The following DNAAF11 variants were observed in gnomAD, a reference collection of about 807,000 sequenced individuals.
DNAAF11 encodes leucine rich repeat containing 6.
In DNAAF11, 45 loss-of-function variants were observed where a neutral mutation model predicts 60.8. The observed-to-expected ratio is 0.74, with a 90% CI of 0.58 to 0.95. The LOEUF (loss-of-function observed/expected upper bound fraction) is 0.95, where lower values mean the gene tolerates loss of function less well. Among genes scored for constraint, DNAAF11 ranks in the 40% least tolerant of loss-of-function variants. The pLI is 0.00. For missense variants in DNAAF11, 546 were observed against 546.2 expected (o/e 1.00, Z 0.00); for synonymous variants, 191 against 183.5 (o/e 1.04, Z -0.33).
chr8:132,676,839 G>C (rs1036195593), upstream of DNAAF11, among the ~76,000 whole-genome samples: 1 of 152,144 alleles, frequency 6.6e-6, no homozygotes, highest in African/African-American at 2.4e-5. Context: ...CTGGAAGAGT[G>C]GGATTTCAGG....
chr8:132,690,316 G>A, the DNAAF11 span, among the ~76,000 whole-genome samples: 1 of 152,070 alleles, frequency 6.6e-6, no homozygotes, highest in Non-Finnish European at 1.5e-5. Context: ...GTGATACTGA[G>A]TTCTCATGAG....
intron 1 of DNAAF11, among the ~76,000 whole-genome samples, chr8:132,664,979 A>C (rs1180731391): frequency 1.3e-5 from 2 of 152,208 alleles, no homozygotes; most frequent in East Asian, 3.8e-4. Context: ...TTACACACAC[A>C]CACAAAGGAA....
At chr8:132,684,732 C>T in the DNAAF11 span, among the ~76,000 whole-genome samples, 1 of 152,234 alleles carries the variant, frequency 6.6e-6, no homozygotes, top group Admixed American at 6.5e-5. Context: ...TTGCTACAAA[C>T]CTACTCAGAT....
intron 10 of DNAAF11, among the ~76,000 whole-genome samples, chr8:132,592,979 A>G (rs1378549926): frequency 6.6e-6 from 1 of 151,992 alleles, no homozygotes; most frequent in Non-Finnish European, 1.5e-5. Flanking sequence ...TTAGGAAGTA[A>G]CAGAAGCCAA....
Position 132,661,561 on chromosome 8 carries a change from A to C in DNAAF11, c.77T>G (p.Leu26Arg). The C allele has an allele frequency of 6.2e-7, 1 of 1,613,984 alleles. No individual in the cohort carries two copies. The highest frequency in any genetic ancestry group is 1.1e-5 in the South Asian group (1 of 91,074). The change falls in exon 2 of 12, where the codon CTC becomes CGC. Residue 26 changes from leucine (L) to arginine (R), a missense_variant. Physicochemically the swap from Leu to Arg is moderately radical, Grantham distance 102. Coordinates refer to ENST00000620350, the MANE Select transcript of DNAAF11 (RefSeq NM_012472.6). ...NDCVIFSLEE[L>R]SLHQQEIERL... ...TTCTATTTCTTGCTGATGCAACGAG[A>C]GTTCCTCCAGGGAAAAAATGACACA...
intron 7 of DNAAF11, 64 bp from the exon 8 acceptor site, chr8:132,615,161 T>A (rs1206227953): frequency 2.1e-5 from 18 of 876,264 alleles, no homozygotes; most frequent in Non-Finnish European, 3.2e-5. Flanking sequence ...GAAAACCCCA[T>A]CATAAATTCA....
intron 10 of DNAAF11, among the ~76,000 whole-genome samples, chr8:132,589,151 A>G (rs1487380022): frequency 6.6e-6 from 1 of 152,150 alleles, no homozygotes; most frequent in Non-Finnish European, 1.5e-5. Context: ...GTTTGATATG[A>G]ATTTTAAAGG....
intron 10 of DNAAF11, among the ~76,000 whole-genome samples, chr8:132,609,775 C>T (rs148407626): frequency 6.6e-6 from 1 of 152,278 alleles, no homozygotes. Flanking sequence ...CCCACTTTCT[C>T]CTATCTTGAT....
intron 6 of DNAAF11, among the ~76,000 whole-genome samples, chr8:132,624,611 T>A (rs1820069529): frequency 6.6e-6 from 1 of 152,178 alleles, no homozygotes; most frequent in African/African-American, 2.4e-5. Flanking sequence ...CCATGTAGAT[T>A]ACTATATTTC....
intron 10 of DNAAF11, among the ~76,000 whole-genome samples, chr8:132,591,665 T>C (rs896030829): frequency 6.6e-6 from 1 of 152,056 alleles, no homozygotes; most frequent in Admixed American, 6.6e-5. Context: ...ACTTGTTTAT[T>C]ATACCTCACT....
chr8:132,653,985 T>C (rs1435390890), intron 3 of DNAAF11, among the ~76,000 whole-genome samples: 2 of 151,970 alleles, frequency 1.3e-5, no homozygotes, highest in African/African-American at 2.4e-5. Context: ...AGATTAAAAA[T>C]CAAAACACGA....
chr8:132,637,604 CAA>C (rs879660153), intron 4 of DNAAF11, among the ~76,000 whole-genome samples: 4 of 99,874 alleles, frequency 4.0e-5, no homozygotes, highest in Admixed American at 1.1e-4. Context: ...GACTCCATCT[CAA>C]AAAAAAAAAA....
In DNAAF11 at chr8:132,595,337, G is replaced by C. The variant is rs150244697; in HGVS notation, c.1141-11558C>G. 8.1e-3 allele frequency among the ~76,000 whole-genome samples: 798 copies of C among 99,064 alleles called. 24 individuals are homozygous for C. The highest frequency in any genetic ancestry group is 0.032 in the African/African-American group (740 of 23,236). The allele number at this position is 99,064 out of a possible 152,430, so 65.0% of individuals were successfully genotyped here. On this transcript the variant is annotated intron_variant, in intron 10 of 11. Transcript: ENST00000620350. ...ATTTTTTGTGTTCCCGAAAGAGAGA[G>C]AGACAGAGGGGAAAAAAAAAAAAAA... is the stretch of plus-strand genomic sequence containing the variant.
At chr8:132,672,218 C>T (rs1380814442) in intron 1 of DNAAF11, among the ~76,000 whole-genome samples, 1 of 152,040 alleles carries the variant, frequency 6.6e-6, no homozygotes, top group Non-Finnish European at 1.5e-5. Context: ...CTATAGATGA[C>T]AAATGTGTCC....
At chr8:132,691,684 T>C in the DNAAF11 span, among the ~76,000 whole-genome samples, 1 of 152,120 alleles carries the variant, frequency 6.6e-6, no homozygotes, top group Non-Finnish European at 1.5e-5. Context: ...AACTACCATT[T>C]ATGAAACCAT....
chr8:132,595,677 G>A (rs1022333745), intron 10 of DNAAF11, among the ~76,000 whole-genome samples: 1 of 152,164 alleles, frequency 6.6e-6, no homozygotes, highest in Non-Finnish European at 1.5e-5. Context: ...CAGATAGTGG[G>A]ACCATGAGTT....
intron 1 of DNAAF11, among the ~76,000 whole-genome samples, chr8:132,662,598 T>G (rs1447407887): frequency 6.6e-6 from 1 of 152,236 alleles, no homozygotes; most frequent in African/African-American, 2.4e-5. Context: ...CATGTATTAA[T>G]ATATGACTAT....
chr8:132,690,230 A>G, the DNAAF11 span, among the ~76,000 whole-genome samples: 1,277 of 152,184 alleles, frequency 8.4e-3, 15 homozygotes, highest in Non-Finnish European at 0.013. Flanking sequence ...TGCAAATCTC[A>G]TCTTGATTTG....
chr8:132,627,794 TGAG>T (rs1018774006), intron 5 of DNAAF11, among the ~76,000 whole-genome samples: 6 of 152,112 alleles, frequency 3.9e-5, no homozygotes, highest in African/African-American at 1.2e-4. Flanking sequence ...GGAAGATGAA[TGAG>T]GAGAAGAATG....
Sources: gnomAD v4.1 joint callset for allele counts (sites outside exome capture counted in the v4.1 genomes callset) on GRCh38, gnomAD v4.1.1 for gene constraint, MANE v1.5 for transcripts, NCBI Gene and HGNC (gene_info 2026-07-23, HGNC 2026-07-21) for gene names.